The following TRAPPC13 variants were observed in gnomAD, a reference collection of about 807,000 sequenced individuals.
TRAPPC13 encodes REV7-interacting novel NHEJ regulator 1.
A neutral mutation model predicts 54.0 loss-of-function variants in TRAPPC13; 39 were observed. The observed-to-expected ratio is 0.72, with a 90% CI of 0.56 to 0.94. The LOEUF (loss-of-function observed/expected upper bound fraction) is 0.94. TRAPPC13 is among the 40% of genes least tolerant of loss of function. The pLI is 0.00. For missense variants in TRAPPC13, 386 were observed against 488.1 expected, an observed-to-expected ratio of 0.79 and a Z score of 1.97; for synonymous variants, 148 against 167.7, an observed-to-expected ratio of 0.88 and a Z score of 0.91.
intron 1 of TRAPPC13, chr5:65,629,853 A>G (rs1755452618): frequency 6.5e-7 from 1 of 1,535,960 alleles, no homozygotes; most frequent in African/African-American, 1.4e-5. Flanking sequence ...TGCACAGTAG[A>G]TCTATTGGAG....
intron 1 of TRAPPC13, among the ~76,000 whole-genome samples, chr5:65,631,348 A>C (rs1236405724): frequency 6.6e-6 from 1 of 152,198 alleles, no homozygotes; most frequent in Non-Finnish European, 1.5e-5. Context: ...GGTTGCTTAA[A>C]ATGGAAGCCC....
At chr5:65,633,448 T>C (rs1009699083) in intron 1 of TRAPPC13, among the ~76,000 whole-genome samples, 2 of 152,006 alleles carry the variant, frequency 1.3e-5, no homozygotes, top group South Asian at 4.2e-4. Context: ...GCTAGGCTAA[T>C]TTTTTTTATT....
chr5:65,647,026 T>C (rs1345228937), intron 4 of TRAPPC13, 29 bp from the exon 5 acceptor site: 1 of 210,828 alleles, frequency 4.7e-6, no homozygotes. Context: ...TCATTTGGAC[T>C]TTTTTTTTTT....
chr5:65,653,308 A>G (rs1018812635), intron 7 of TRAPPC13, among the ~76,000 whole-genome samples: 3 of 152,118 alleles, frequency 2.0e-5, no homozygotes, highest in Non-Finnish European at 2.9e-5. Context: ...ATATCCAAAT[A>G]CAGTATTTTG....
At chr5:65,635,488 T>C in intron 2 of TRAPPC13, 119 bp downstream of exon 2, 1 of 789,434 alleles carries the variant, frequency 1.3e-6, no homozygotes, top group Admixed American at 2.7e-5. Flanking sequence ...CTGGATTCTT[T>C]GTTGCCTATT....
chr5:65,656,683 G>A (rs539454961), intron 8 of TRAPPC13, among the ~76,000 whole-genome samples: 40 of 152,028 alleles, frequency 2.6e-4, no homozygotes, highest in African/African-American at 8.2e-4. Flanking sequence ...CGAGGCGAGC[G>A]GATCACGAGG....
At chr5:65,651,730 C>A (rs1318150144) in intron 6 of TRAPPC13, among the ~76,000 whole-genome samples, 1 of 129,066 alleles carries the variant, frequency 7.7e-6, no homozygotes, top group Admixed American at 7.9e-5. Context: ...TGGTTTTTTT[C>A]ATTCCTTTGT....
At chr5:65,656,395 T>A (rs552193168) in intron 8 of TRAPPC13, among the ~76,000 whole-genome samples, 1 of 152,108 alleles carries the variant, frequency 6.6e-6, no homozygotes, top group Non-Finnish European at 1.5e-5. Flanking sequence ...TTAAAAGCAA[T>A]GGATTGATGG....
At chr5:65,640,410 T>C (rs892699759) in intron 4 of TRAPPC13, among the ~76,000 whole-genome samples, 3 of 152,260 alleles carry the variant, frequency 2.0e-5, no homozygotes, top group Admixed American at 1.3e-4. Context: ...TCAGTGTCCT[T>C]AAATAAAGCT....
At chr5:65,643,818 G>GAAA (rs529875913) in intron 4 of TRAPPC13, among the ~76,000 whole-genome samples, 1 of 49,994 alleles carries the variant, frequency 2.0e-5, no homozygotes, top group Non-Finnish European at 4.1e-5. Context: ...CTCCGTCTCA[G>GAAA]AAAAAAAAAA....
intron 1 of TRAPPC13, 48 bp from the exon 2 acceptor site, chr5:65,635,253 C>A: frequency 6.8e-7 from 1 of 1,468,038 alleles, no homozygotes; most frequent in Non-Finnish European, 9.5e-7. Flanking sequence ...GAATATTAAC[C>A]CTAAGCAGTA....
intron 4 of TRAPPC13, among the ~76,000 whole-genome samples, chr5:65,642,308 G>A (rs1354967024): frequency 1.3e-5 from 2 of 151,452 alleles, no homozygotes; most frequent in African/African-American, 4.9e-5. Flanking sequence ...GGGCAACAGT[G>A]TGAGACTCCA....
intron 1 of TRAPPC13, among the ~76,000 whole-genome samples, chr5:65,633,283 G>C (rs1373277257): frequency 6.6e-6 from 1 of 151,782 alleles, no homozygotes; most frequent in African/African-American, 2.4e-5. Context: ...TGATTTGAAG[G>C]AATTTTTTTT....
chr5:65,625,392 A>G, intron 1 of TRAPPC13: 1 of 409,998 alleles, frequency 2.4e-6, no homozygotes, highest in Non-Finnish European at 4.4e-6. Context: ...TACCGTGGAG[A>G]TCTCTGTGAA....
chr5:65,631,977 G>C (rs767229581), intron 1 of TRAPPC13, among the ~76,000 whole-genome samples: 119 of 151,282 alleles, frequency 7.9e-4, no homozygotes, highest in Non-Finnish European at 1.4e-3. Flanking sequence ...ATTCAGATTT[G>C]TTTTCTAATG....
At chr5:65,631,607 A>G (rs918771572) in intron 1 of TRAPPC13, among the ~76,000 whole-genome samples, 1 of 152,092 alleles carries the variant, frequency 6.6e-6, no homozygotes, top group Non-Finnish European at 1.5e-5. Context: ...TCTCTCACTT[A>G]TGAGAATATG....
chr5:65,647,294 A>G (rs1756251990), intron 5 of TRAPPC13, 112 bp downstream of exon 5: 2 of 894,562 alleles, frequency 2.2e-6, no homozygotes, highest in Non-Finnish European at 3.3e-6. Flanking sequence ...TTCAAAAGGA[A>G]TTTTATGTTC....
intron 1 of TRAPPC13, among the ~76,000 whole-genome samples, chr5:65,632,328 ATC>A (rs1254879666): frequency 6.6e-6 from 1 of 152,090 alleles, no homozygotes; most frequent in Non-Finnish European, 1.5e-5. Flanking sequence ...GCACCTTTTT[ATC>A]TGTTTTCAGG....
chr5:65,651,626 A>T (rs1581226502), intron 6 of TRAPPC13, among the ~76,000 whole-genome samples: 1 of 136,332 alleles, frequency 7.3e-6, no homozygotes, highest in South Asian at 2.6e-4. Context: ...GTTTCAAAAC[A>T]CTGGTTTAGC....
Sources: allele counts gnomAD v4.1 joint callset (sites outside exome capture counted in the v4.1 genomes callset), GRCh38; gene constraint gnomAD v4.1.1; transcripts MANE v1.5; gene names NCBI Gene and HGNC (gene_info 2026-07-23, HGNC 2026-07-21).